Variants in DENND2A observed in about 807,000 individuals in gnomAD.
The protein encoded by DENND2A is DENN domain-containing protein 2A.
In DENND2A, 53 loss-of-function variants were observed where a neutral mutation model predicts 105.3. That is an observed-to-expected ratio of 0.50 (90% CI 0.40 to 0.63). The LOEUF (loss-of-function observed/expected upper bound fraction) is 0.63. DENND2A is among the 30% of genes least tolerant of loss of function. DENND2A has a pLI of 0.00. For synonymous variants in DENND2A, 522 were observed against 508.4 expected (o/e 1.03, Z -0.36); for missense variants, 1,138 against 1,279.6 (o/e 0.89, Z 1.69).
At chr7:140,612,848 C>T (rs975736255) in intron 1 of DENND2A, among the ~76,000 whole-genome samples, 1 of 151,658 alleles carries the variant, frequency 6.6e-6, no homozygotes, top group African/African-American at 2.4e-5. Context: ...GGCGCAGTGG[C>T]TCACACCTGT....
In DENND2A at chr7:140,594,110, G is replaced by A. The variant is rs148958098; in HGVS notation, c.996-6330C>T. Among the ~76,000 whole-genome samples the A allele has an allele frequency of 2.4e-3, 363 of 152,134 alleles. 1 individual carries two copies. Among genetic ancestry groups the A allele is most frequent in the Non-Finnish European group, 9.6e-4 (65 of 67,998 alleles). On this transcript the variant is annotated intron_variant, in intron 3 of 19. Coordinates refer to ENST00000496613, the MANE Select transcript of DENND2A (RefSeq NM_015689.5). ...TTTACCCGAAACGAGGTTTCACCAT[G>A]TAGGCCAGGCTGGTCTCGAACTCCT...
intron 1 of DENND2A, among the ~76,000 whole-genome samples, chr7:140,612,271 T>C (rs761548756): frequency 1.3e-5 from 2 of 149,696 alleles, no homozygotes; most frequent in African/African-American, 2.5e-5. Flanking sequence ...AAAAAGATGG[T>C]GAATGTTATG....
chr7:140,637,308 T>C (rs950781219), intron 1 of DENND2A, among the ~76,000 whole-genome samples: 2 of 152,246 alleles, frequency 1.3e-5, no homozygotes, highest in Non-Finnish European at 2.9e-5. Flanking sequence ...TCCTACTGAA[T>C]GTCAATTTAC....
chr7:140,620,495 TAAC>T (rs1224816326), intron 1 of DENND2A, among the ~76,000 whole-genome samples: 1 of 152,160 alleles, frequency 6.6e-6, no homozygotes, highest in Admixed American at 6.5e-5. Context: ...TCTATATTTC[TAAC>T]AACAACCACC....
intron 12 of DENND2A, among the ~76,000 whole-genome samples, chr7:140,550,147 GGGGTTAGGGGA>G: frequency 6.9e-6 from 1 of 145,342 alleles, no homozygotes; most frequent in Non-Finnish European, 1.5e-5. Context: ...GGTTAGGGGT[GGGGTTAGGGGA>G]GGGGGAATGG....
At chr7:140,581,068 GC>G (rs1347437581) in intron 5 of DENND2A, among the ~76,000 whole-genome samples, 1 of 150,644 alleles carries the variant, frequency 6.6e-6, no homozygotes, top group Non-Finnish European at 1.5e-5. Flanking sequence ...TTCGAAACCA[GC>G]CTGGCCAACA....
At chr7:140,622,647 G>A (rs1303427487) in intron 1 of DENND2A, among the ~76,000 whole-genome samples, 1 of 152,046 alleles carries the variant, frequency 6.6e-6, no homozygotes, top group African/African-American at 2.4e-5. Context: ...AGCATGCCCA[G>A]GTCCAAGAGA....
intron 15 of DENND2A, 115 bp from the exon 16 acceptor site, chr7:140,525,907 G>A: frequency 1.2e-6 from 1 of 815,422 alleles, no homozygotes; most frequent in Non-Finnish European, 1.8e-6. Flanking sequence ...GGGGCTGGAG[G>A]TGAGCCATTT....
At chr7:140,635,133 C>T (rs977754698) in intron 1 of DENND2A, among the ~76,000 whole-genome samples, 3 of 151,648 alleles carry the variant, frequency 2.0e-5, no homozygotes, top group East Asian at 1.9e-4. Flanking sequence ...TGTGGTGGTG[C>T]GCACCTATAG....
intron 3 of DENND2A, among the ~76,000 whole-genome samples, chr7:140,590,605 C>T (rs1397590138): frequency 1.3e-5 from 2 of 152,102 alleles, no homozygotes. Context: ...TGGCTCATGC[C>T]TGTAATCCCA....
At chr7:140,554,426 G>A (rs1036525880) in intron 12 of DENND2A, among the ~76,000 whole-genome samples, 2 of 151,856 alleles carry the variant, frequency 1.3e-5, no homozygotes, top group African/African-American at 4.8e-5. Context: ...GATCACTTGA[G>A]GTCAGTTTGA....
At chr7:140,554,333 G>A (rs1420814565) in intron 12 of DENND2A, among the ~76,000 whole-genome samples, 1 of 151,466 alleles carries the variant, frequency 6.6e-6, no homozygotes, top group African/African-American at 2.4e-5. Context: ...TACTCAAGAA[G>A]GATTGAAAAT....
chr7:140,575,044 A>G (rs1188955343), intron 5 of DENND2A, among the ~76,000 whole-genome samples: 1 of 152,078 alleles, frequency 6.6e-6, no homozygotes, highest in Non-Finnish European at 1.5e-5. Context: ...CAAAGTCAAA[A>G]GGCAAACAAA....
intron 14 of DENND2A, among the ~76,000 whole-genome samples, chr7:140,528,311 C>T (rs769886182): frequency 4.6e-5 from 7 of 152,274 alleles, no homozygotes; most frequent in Non-Finnish European, 1.0e-4. Context: ...TTGTTCTGTT[C>T]CAAGCATTCT....
rs370574635 is a variant in DENND2A at position 140,559,709 on chromosome 7, T to C, written c.1888A>G (p.Ser630Gly). 1 of 1,612,474 alleles carries C rather than the reference T, an allele frequency of 6.2e-7. No homozygotes were observed. Among genetic ancestry groups the C allele is most frequent in the Non-Finnish European group, 8.5e-7 (1 of 1,178,658 alleles). Residue 630 changes from serine to glycine, a missense_variant and splice_region_variant, in exon 10 of 20, where the codon AGT becomes GGT. Transcript: ENST00000496613. This position sits in a 1 kb window ranked among gnomAD's most constrained non-coding sequence, Gnocchi z 4.1. ...CGAAGGGGAGAAGCCAGCTCGTACC[T>C]GGTGAACTGCTGGACAGGAACCCAA... Reference protein sequence around the residue: ...KDWVPVQQFTSETFSFVLTGE... With the variant: ...KDWVPVQQFTGETFSFVLTGE...
intron 5 of DENND2A, among the ~76,000 whole-genome samples, 165 bp from the exon 6 acceptor site, chr7:140,574,173 T>C (rs938250395): frequency 2.6e-5 from 4 of 152,146 alleles, no homozygotes; most frequent in Non-Finnish European, 4.4e-5. Flanking sequence ...AATGAATACA[T>C]ATCATCCAAT....
chr7:140,558,695 C>CAAAAA (rs1232604188), intron 10 of DENND2A, among the ~76,000 whole-genome samples: 3 of 51,466 alleles, frequency 5.8e-5, no homozygotes, highest in Non-Finnish European at 8.4e-5. Context: ...GACTCTATCT[C>CAAAAA]AAAAAAAAAA....
In DENND2A at chr7:140,601,778, C is replaced by T; in HGVS notation, c.620G>A (p.Gly207Asp). Residue 207 changes from glycine (G) to aspartate (D), a missense_variant, in exon 3 of 20, where the codon GGC becomes GAC. This residue lies in a region of DENND2A where 511 missense variants were observed against 499.9 expected (regional missense o/e 1.02). Coordinates refer to ENST00000496613, the MANE Select transcript of DENND2A (RefSeq NM_015689.5). Reference sequence around the variant, plus strand: ...CTGGCTGACTTCTGAGCCACTCCCGCCTCCCAGGTTCTCAGGAAGGGTGGA... The same window carrying T: ...CTGGCTGACTTCTGAGCCACTCCCGTCTCCCAGGTTCTCAGGAAGGGTGGA... ...AGSTLPENLG[G>D]GSGSEVSQRV... is the part of the protein sequence containing the mutation. 1 of 1,614,074 alleles carries T rather than the reference C, an allele frequency of 6.2e-7. No homozygotes were observed. The highest frequency in any genetic ancestry group is 8.5e-7 in the Non-Finnish European group (1 of 1,180,008).
intron 1 of DENND2A, among the ~76,000 whole-genome samples, chr7:140,633,749 G>A (rs1800820580): frequency 6.6e-6 from 1 of 152,092 alleles, no homozygotes; most frequent in Admixed American, 6.6e-5. Flanking sequence ...AACAGCAAGA[G>A]ACGAACTTGG....
Sources: allele counts gnomAD v4.1 joint callset (sites outside exome capture counted in the v4.1 genomes callset), GRCh38; gene constraint gnomAD v4.1.1; regional missense constraint gnomAD v4.1.1; non-coding constraint Gnocchi (gnomAD v3.1); transcripts MANE v1.5; gene names NCBI Gene and HGNC (gene_info 2026-07-23, HGNC 2026-07-21).